CX3CR1: variants seen among roughly 807,000 people sequenced by gnomAD.
CX3CR1 encodes C-X3-C motif chemokine receptor 1.
For missense variants in CX3CR1, 363 were observed against 432.4 expected, an observed-to-expected ratio of 0.84 and a Z score of 1.42; for synonymous variants, 168 against 178.5, an observed-to-expected ratio of 0.94 and a Z score of 0.47.
chr3:39,265,875 A>C lies in CX3CR1; in HGVS notation c.635T>G (p.Phe212Cys). The C allele has an allele frequency of 6.2e-7, 1 of 1,614,228 alleles. No individual in the cohort carries two copies. The highest frequency in any genetic ancestry group is 8.5e-7 in the Non-Finnish European group (1 of 1,180,044). ...LPLLIMSYCY[F>C]RIIQTLFSCK... ...GGAAAACAGCGTCTGGATGATTCTG[A>C]AGTAGCAATAACTCATAATGAGCAG... The change falls in exon 2 of 2, where the codon TTC becomes TGC. Residue 212 changes from phenylalanine (F) to cysteine (C), a missense_variant. By Grantham distance (205) the Phe-to-Cys change is radical. Transcript: ENST00000399220.
intron 1 of CX3CR1, among the ~76,000 whole-genome samples, chr3:39,270,001 G>A (rs1273067769): frequency 6.6e-6 from 1 of 152,260 alleles, no homozygotes; most frequent in African/African-American, 2.4e-5. Flanking sequence ...GTGCCTCACA[G>A]GAGGCACAGC....
the CX3CR1 span, among the ~76,000 whole-genome samples, chr3:39,292,782 TCTTA>T: frequency 6.6e-6 from 1 of 152,174 alleles, no homozygotes; most frequent in East Asian, 1.9e-4. Flanking sequence ...GAACCTGAAT[TCTTA>T]CTTACCACAC....
At chr3:39,281,326 C>T (rs1176858166), upstream of CX3CR1, 3 of 923,528 alleles carry the variant, frequency 3.2e-6, no homozygotes, top group African/African-American at 5.4e-5. Flanking sequence ...CCCCACCCCA[C>T]ACCACCCCTT....
At chr3:39,272,380 C>A (rs933421083) in intron 1 of CX3CR1, among the ~76,000 whole-genome samples, 15 of 152,318 alleles carry the variant, frequency 9.8e-5, no homozygotes, top group Middle Eastern at 6.8e-3. Context: ...CACTCACATC[C>A]GTGGCTGATC....
At chr3:39,281,599 C>A, upstream of CX3CR1, 1 of 1,598,328 alleles carries the variant, frequency 6.3e-7, no homozygotes, top group East Asian at 2.2e-5. Context: ...TCTTTCCTCT[C>A]ACCACTTACC....
At chr3:39,278,594 A>G (rs980680768) in intron 1 of CX3CR1, among the ~76,000 whole-genome samples, 1 of 146,392 alleles carries the variant, frequency 6.8e-6, no homozygotes, top group Non-Finnish European at 1.5e-5. Context: ...TTTTGGCTCA[A>G]TTTTTTTCTG....
At chr3:39,271,764 CGCTGAA>C (rs762401091) in intron 1 of CX3CR1, among the ~76,000 whole-genome samples, 15 of 152,216 alleles carry the variant, frequency 9.9e-5, no homozygotes, top group Non-Finnish European at 2.2e-4. Context: ...AATCTGACAT[CGCTGAA>C]GCTGTGTCCT....
At chr3:39,281,312 C>A, upstream of CX3CR1, 1 of 965,642 alleles carries the variant, frequency 1.0e-6, no homozygotes, top group South Asian at 3.5e-5. Context: ...TGACACTGGC[C>A]CCTCCCCACC....
rs1330699889 is a variant in CX3CR1, at chr3:39,263,653, T to TA, written c.*1788dup. 6.6e-6 allele frequency: 1 copy of TA among 152,242 alleles called. No homozygotes were observed. Among genetic ancestry groups the TA allele is most frequent in the East Asian group, 1.9e-4 (1 of 5,200 alleles). 9.4% of individuals were successfully genotyped at this position (152,242 alleles called of 1,614,324 possible). A position where few individuals can be genotyped will look rare whatever the true frequency, so the allele number is the denominator to read the frequency against. On this transcript the variant is annotated 3_prime_UTR_variant, in exon 2 of 2. Coordinates refer to ENST00000399220, the MANE Select transcript of CX3CR1 (RefSeq NM_001337.4). ...TATAGACTGCCAAAGAGCTATCAGA[T>TA]ACACAGCAATTTAACAGTTACCACA...
upstream of CX3CR1, among the ~76,000 whole-genome samples, chr3:39,283,797 AT>A (rs1559371944): frequency 0.032 from 769 of 23,674 alleles, 30 homozygotes; most frequent in African/African-American, 0.13. Flanking sequence ...AAAAAAAATT[AT>A]ATATATATAT....
Position 39,266,317 on chromosome 3 carries a change from C to T in CX3CR1, c.193G>A (p.Val65Ile). Residue 65 changes from valine (V) to isoleucine (I), a missense_variant, in exon 2 of 2, where the codon GTC becomes ATC. Transcript: ENST00000399220. ...AGGTTCAGGAGGTAAATGTCGGTGA[C>T]ACTCTTGGGCTTCTTGCTGTTGGTG... ...ALTNSKKPKSVTDIYLLNLAL... is the reference protein window; with the variant it reads ...ALTNSKKPKSITDIYLLNLAL... 6.2e-7 allele frequency: 1 copy of T among 1,614,198 alleles called. No homozygotes were observed. Among genetic ancestry groups the T allele is most frequent in the Non-Finnish European group, 8.5e-7 (1 of 1,180,040 alleles).
At chr3:39,277,978 A>G (rs1439435105) in intron 1 of CX3CR1, among the ~76,000 whole-genome samples, 1 of 152,202 alleles carries the variant, frequency 6.6e-6, no homozygotes, top group Non-Finnish European at 1.5e-5. Context: ...GAAAGTTGAC[A>G]CATACCCATT....
chr3:39,269,624 A>G (rs1455951895), intron 1 of CX3CR1, among the ~76,000 whole-genome samples: 1 of 152,196 alleles, frequency 6.6e-6, no homozygotes, highest in Non-Finnish European at 1.5e-5. Context: ...TGAGAGCCAA[A>G]TGGCTGGTTA....
upstream of CX3CR1, among the ~76,000 whole-genome samples, chr3:39,282,124 G>A (rs971198072): frequency 6.6e-6 from 1 of 152,212 alleles, no homozygotes; most frequent in East Asian, 1.9e-4. Context: ...CTTCAAGGTT[G>A]CTCACTGCAA....
Position 39,265,023 on chromosome 3 carries a change from A to G in CX3CR1, c.*419T>C, listed in dbSNP as rs1157174312. 6.3e-6 allele frequency: 1 copy of G among 159,210 alleles called. No individual in the cohort carries two copies. The allele number at this position is 159,210 out of a possible 1,614,324, so 9.9% of individuals were successfully genotyped here. ...AGCTGTGTCATGTAAAGTCTGGGGG[A>G]TCTATAATGACTAAAAGATTTGAGA... On this transcript the variant is annotated 3_prime_UTR_variant, in exon 2 of 2. Coordinates refer to ENST00000399220, the MANE Select transcript of CX3CR1 (RefSeq NM_001337.4).
intron 1 of CX3CR1, among the ~76,000 whole-genome samples, chr3:39,268,019 A>G (rs2040726316): frequency 6.6e-6 from 1 of 152,110 alleles, no homozygotes; most frequent in Non-Finnish European, 1.5e-5. Context: ...TCCTTACCAC[A>G]ACTTACAGCA....
chr3:39,279,643 A>G (rs892067522), intron 1 of CX3CR1, among the ~76,000 whole-genome samples: 3 of 152,230 alleles, frequency 2.0e-5, no homozygotes, highest in Non-Finnish European at 4.4e-5. Flanking sequence ...AATTAGCAAT[A>G]ATTCCTCAAC....
chr3:39,286,486 T>C (rs1559372557), upstream of CX3CR1: 1 of 150,490 alleles, frequency 6.6e-6, no homozygotes, highest in Non-Finnish European at 1.5e-5. Flanking sequence ...CCGTCTCTAC[T>C]AAAAAATACA....
chr3:39,266,645 A>C (rs1388567933), intron 1 of CX3CR1, 127 bp from the exon 2 acceptor site: 5 of 892,134 alleles, frequency 5.6e-6, no homozygotes, highest in Non-Finnish European at 7.6e-6. Flanking sequence ...TACATTTCCC[A>C]ACTTCCCACT....
Sources: gnomAD v4.1 joint callset for allele counts (sites outside exome capture counted in the v4.1 genomes callset) on GRCh38, gnomAD v4.1.1 for gene constraint, MANE v1.5 for transcripts, NCBI Gene and HGNC (gene_info 2026-07-23, HGNC 2026-07-21) for gene names.